PTMA: variants seen among roughly 807,000 people sequenced by gnomAD.
PTMA encodes the protein gene sequence 28.
PTMA carries 4 observed loss-of-function variants against 16.9 expected under a neutral mutation model. That is an observed-to-expected ratio of 0.24 (90% CI 0.12 to 0.54). PTMA has a LOEUF of 0.54. Ranked by LOEUF, PTMA falls within the 20% of genes least tolerant of loss-of-function variation. The probability of loss-of-function intolerance (pLI) is 0.95; values close to 1 mark genes in which losing one functional copy is unlikely to be tolerated. For missense variants in PTMA, 120 were observed against 137.7 expected (o/e 0.87, Z 0.64); for synonymous variants, 58 against 47.9 (o/e 1.21, Z -0.87).
intron 1 of PTMA, 100 bp from the exon 2 acceptor site, chr2:231,711,248 G>T (rs959860715): frequency 5.4e-6 from 5 of 929,476 alleles, no homozygotes; most frequent in Non-Finnish European, 8.6e-6. Context: ...AATTTGGGAC[G>T]GACAGAACAG....
At chr2:231,711,208 G>GC (rs1347498010) in intron 1 of PTMA, 140 bp from the exon 2 acceptor site, 1 of 675,774 alleles carries the variant, frequency 1.5e-6, no homozygotes, top group Non-Finnish European at 2.6e-6. Flanking sequence ...GACCGCAGGG[G>GC]CATCAGGCCT....
At chr2:231,712,675 A>C in intron 4 of PTMA, 129 bp from the exon 5 acceptor site, 1 of 1,347,906 alleles carries the variant, frequency 7.4e-7, no homozygotes. Context: ...GGCTGGGCTC[A>C]ACTTCCCAGA....
intron 1 of PTMA, among the ~76,000 whole-genome samples, chr2:231,709,587 G>C (rs1397251988): frequency 6.6e-6 from 1 of 152,124 alleles, no homozygotes; most frequent in African/African-American, 2.4e-5. Flanking sequence ...GGCGACGCGG[G>C]CCAACACGGC....
rs977286275 is a variant in PTMA, at chr2:231,711,233, C to T, written c.46-115C>T. ...GCATCAGGCCTTTCTCAACATGCGA[C>T]TCTTAATTTGGGACGGACAGAACAG... On this transcript the variant is annotated intron_variant, in intron 1 of 4. Coordinates refer to ENST00000409115, the MANE Select transcript of PTMA (RefSeq NM_002823.5). 3.3e-5 allele frequency: 27 copies of T among 829,918 alleles called. No homozygotes were observed. The African/African-American group carries it at 4.6e-4, about 14-fold the overall frequency. 51.4% of individuals were successfully genotyped at this position (829,918 alleles called of 1,614,324 possible).
intron 1 of PTMA, chr2:231,710,014 C>T (rs908599367): frequency 8.6e-7 from 1 of 1,156,350 alleles, no homozygotes. Context: ...GGTGAGAACA[C>T]CGTCCCCAGT....
intron 1 of PTMA, chr2:231,710,259 G>T (rs779918888): frequency 3.0e-6 from 4 of 1,333,930 alleles, no homozygotes; most frequent in Non-Finnish European, 3.9e-6. Context: ...CGACCCGCGC[G>T]CGTGCCACTG....
rs2048540071 is a variant in PTMA, at chr2:231,713,095, A to T, written c.*244A>T. ...AGGCCCTGCTTTTTTTCTTAAAAGT[A>T]CTTTAAAAAGGAAATTTGTTTGTAT... On this transcript the variant is annotated 3_prime_UTR_variant, in exon 5 of 5. Coordinates refer to ENST00000409115, the MANE Select transcript of PTMA (RefSeq NM_002823.5). The T allele has an allele frequency of 1.9e-6, 1 of 525,562 alleles. No homozygotes were observed. The highest frequency in any genetic ancestry group is 3.5e-6 in the Non-Finnish European group (1 of 286,774). The allele number at this position is 525,562 out of a possible 1,614,324, so 32.6% of individuals were successfully genotyped here. A position where few individuals can be genotyped will look rare whatever the true frequency, so the allele number is the denominator to read the frequency against.
At chr2:231,712,008 C>T in intron 3 of PTMA, 25 bp downstream of exon 3, 4 of 1,553,744 alleles carry the variant, frequency 2.6e-6, no homozygotes, top group Admixed American at 2.0e-5. Flanking sequence ...CTATCTTCCC[C>T]TTTTCAGGTA....
chr2:231,712,009 T>G, intron 3 of PTMA, 26 bp downstream of exon 3: 1 of 1,552,766 alleles, frequency 6.4e-7, no homozygotes, highest in South Asian at 1.2e-5. Context: ...TATCTTCCCC[T>G]TTTCAGGTAC....
chr2:231,710,369 G>C, intron 1 of PTMA: 1 of 1,194,728 alleles, frequency 8.4e-7, no homozygotes, highest in Non-Finnish European at 1.0e-6. Flanking sequence ...AGGCCCGCGC[G>C]CAAAGCCCGC....
Position 231,712,379 on chromosome 2 carries a change from G to T in PTMA, c.212-64G>T, listed in dbSNP as rs1048100006. 6 of 1,537,066 alleles carry T rather than the reference G, an allele frequency of 3.9e-6. No homozygotes were observed. In the African/African-American group the frequency reaches 6.8e-5, roughly 17 times the overall value. On this transcript the variant is annotated intron_variant, in intron 3 of 4. Transcript: ENST00000409115. Reference sequence around the variant, plus strand: ...CCTTGCAGTCCACTACATGTTCCTCGGGATTTCCCCAGGAGCCACAGTAGG... The same window carrying T: ...CCTTGCAGTCCACTACATGTTCCTCTGGATTTCCCCAGGAGCCACAGTAGG...
chr2:231,708,861 G>C (rs895911980), intron 1 of PTMA, 110 bp downstream of exon 1: 1 of 1,323,524 alleles, frequency 7.6e-7, no homozygotes. Context: ...CCTCTCGCGG[G>C]GAAACGGCCC....
At position 231,708,624 on chromosome 2, in the gene PTMA, G is replaced by A; in HGVS notation, c.-83G>A. The A allele has an allele frequency of 2.5e-6, 4 of 1,568,684 alleles. No individual in the cohort carries two copies. Among genetic ancestry groups the A allele is most frequent in the Non-Finnish European group, 3.5e-6 (4 of 1,154,764 alleles). On this transcript the variant is annotated 5_prime_UTR_variant, in exon 1 of 5. Transcript: ENST00000409115. ...GCCGCGCGCCTCCTCCGCCGCCGCG[G>A]ACTCCGGCAGCTTTATCGCCAGAGT...
intron 3 of PTMA, 85 bp downstream of exon 3, chr2:231,712,068 C>T: frequency 2.6e-6 from 4 of 1,543,680 alleles, no homozygotes; most frequent in East Asian, 2.5e-5. Flanking sequence ...ATTGGGGCTC[C>T]TGGGAGTGGG....
chr2:231,712,637 C>T (rs900752085), intron 4 of PTMA, 121 bp downstream of exon 4: 6 of 1,328,540 alleles, frequency 4.5e-6, no homozygotes, highest in African/African-American at 2.9e-5. Context: ...CTGTGTGGTC[C>T]TGAATCTTAA....
At chr2:231,708,796 G>A (rs768762058) in intron 1 of PTMA, 45 bp downstream of exon 1, 1 of 1,589,034 alleles carries the variant, frequency 6.3e-7, no homozygotes. Flanking sequence ...GCGCGCCGCC[G>A]CTCGGGCGGT....
chr2:231,710,692 C>T (rs752448871), intron 1 of PTMA: 92 of 404,420 alleles, frequency 2.3e-4, no homozygotes, highest in Non-Finnish European at 4.4e-4. Flanking sequence ...GTCGGGATCC[C>T]TAGCCGCCGC....
rs769947896 is a variant in PTMA, at chr2:231,711,958, AGAG to A, written c.195_197del (p.Glu68del). Reference sequence around the variant, plus strand: ...AAGAAGAGGAAGAAGGTGGGGAGGAAGAGGAGGAGGAAGAAGAAGGTGATGGTG... The same window carrying A: ...AAGAAGAGGAAGAAGGTGGGGAGGAAGAGGAGGAAGAAGAAGGTGATGGTG... On this transcript the variant is annotated inframe_deletion, in exon 3 of 5. Coordinates refer to ENST00000409115, the MANE Select transcript of PTMA (RefSeq NM_002823.5). The A allele has an allele frequency of 1.0e-5, 16 of 1,587,056 alleles. No individual in the cohort carries two copies. The Admixed American group carries it at 1.1e-4, about 11-fold the overall frequency.
chr2:231,712,838 A>T lies in PTMA; in HGVS notation c.320A>T (p.Asp107Val). Residue 107 changes from aspartate (D) to valine (V), a missense_variant, in exon 5 of 5, where the codon GAC becomes GTC. Transcript: ENST00000409115. ...DDVDTKKQKTDEDD is the reference protein window; with the variant it reads ...DDVDTKKQKTVEDD Reference sequence around the variant, plus strand: ...GTCGATACCAAGAAGCAGAAGACCGACGAGGATGACTAGACAGCAAAAAAG... The same window carrying T: ...GTCGATACCAAGAAGCAGAAGACCGTCGAGGATGACTAGACAGCAAAAAAG... 1 of 1,583,590 alleles carries T rather than the reference A, an allele frequency of 6.3e-7. No individual in the cohort carries two copies. Among genetic ancestry groups the T allele is most frequent in the East Asian group, 2.3e-5 (1 of 43,640 alleles).
Sources: allele counts gnomAD v4.1 joint callset (sites outside exome capture counted in the v4.1 genomes callset), GRCh38; gene constraint gnomAD v4.1.1; transcripts MANE v1.5; gene names NCBI Gene and HGNC (gene_info 2026-07-23, HGNC 2026-07-21).